Variants in TAF1 observed in about 807,000 individuals in gnomAD.
The protein encoded by TAF1 is transcription initiation factor TFIID subunit 1.
Under a neutral mutation model 138.5 loss-of-function variants are expected in TAF1, and 2 were observed. That is an observed-to-expected ratio of 0.01 (90% CI 0.01 to 0.05). TAF1 has a LOEUF of 0.05. Among genes scored for constraint, TAF1 ranks in the 10% least tolerant of loss-of-function variants. The pLI is 1.00. For missense variants in TAF1, 709 were observed against 1,478.0 expected (o/e 0.48, Z 8.53); for synonymous variants, 437 against 503.2 (o/e 0.87, Z 1.76).
intron 13 of TAF1, among the ~76,000 whole-genome samples, chrX:71,476,318 T>C (rs1013545668): frequency 1.8e-5 from 2 of 110,871 alleles, no homozygotes; most frequent in Non-Finnish European, 3.8e-5. Flanking sequence ...GTGAGGGAAC[T>C]GGAACTTGCC....
chrX:71,430,118 C>A (rs1349259373), intron 32 of TAF1, among the ~76,000 whole-genome samples: 2 of 111,539 alleles, frequency 1.8e-5, no homozygotes, highest in Non-Finnish European at 3.8e-5. Flanking sequence ...CGGTGGCTCA[C>A]GCCTGTAATC....
intron 1 of TAF1, among the ~76,000 whole-genome samples, chrX:71,367,135 C>T (rs1398686262): frequency 8.9e-6 from 1 of 112,384 alleles, no homozygotes; most frequent in Non-Finnish European, 1.9e-5. Context: ...GCATGCGAAA[C>T]AGGGACCGAA....
intron 32 of TAF1, among the ~76,000 whole-genome samples, chrX:71,442,242 C>T (rs1169440744): frequency 1.8e-5 from 2 of 112,488 alleles, no homozygotes; most frequent in African/African-American, 6.5e-5. Flanking sequence ...AATCACCACA[C>T]TGTCTTCCAC....
In TAF1 at chrX:71,464,799, G is replaced by A. The variant is rs1222700667; in HGVS notation, c.*753G>A. ...GCCCTCCTGCTGGGACAGAGAATTG[G>A]GTTCTAGTGGACTCTGTGCTACACT... On this transcript the variant is annotated 3_prime_UTR_variant, in exon 38 of 38. Transcript: ENST00000423759. The A allele has an allele frequency of 8.9e-6, 1 of 112,228 alleles. No individual in the cohort carries two copies. Among genetic ancestry groups the A allele is most frequent in the African/African-American group, 3.3e-5 (1 of 30,725 alleles). 9.2% of individuals were successfully genotyped at this position (112,228 alleles called of 1,213,427 possible).
At position 71,459,504 on chromosome X, in the gene TAF1, T is replaced by C. The variant is rs752172332; in HGVS notation, c.5065-48T>C. 5.0e-6 allele frequency: 6 copies of C among 1,199,892 alleles called. No homozygotes were observed. In the South Asian group the frequency reaches 1.1e-4, roughly 22 times the overall value. ...GTGCCTGGTGGTGGCTTCTGGTCTC[T>C]TATGTGGTCAGTTGATAGGACTTTG... On this transcript the variant is annotated intron_variant, in intron 35 of 37. Coordinates refer to ENST00000423759, the MANE Select transcript of TAF1 (RefSeq NM_004606.5).
chrX:71,477,002 A>G (rs1236972804), intron 13 of TAF1, among the ~76,000 whole-genome samples: 1 of 108,733 alleles, frequency 9.2e-6, no homozygotes, highest in Non-Finnish European at 1.9e-5. Context: ...GCAGTAGTGT[A>G]ATCTTGGCTC....
intron 28 of TAF1, among the ~76,000 whole-genome samples, chrX:71,420,685 G>C (rs1195729407): frequency 8.9e-6 from 1 of 112,819 alleles, no homozygotes; most frequent in Non-Finnish European, 1.9e-5. Context: ...GGTCACCCTC[G>C]ACCAGTCATG....
chrX:71,452,455 A>C (rs2038048549), intron 32 of TAF1, among the ~76,000 whole-genome samples: 1 of 106,010 alleles, frequency 9.4e-6, no homozygotes, highest in African/African-American at 3.5e-5. Flanking sequence ...TCCACATCTC[A>C]GACGATGGGC....
chrX:71,480,453 AC>A (rs1173529331), intron 13 of TAF1, among the ~76,000 whole-genome samples: 2 of 111,772 alleles, frequency 1.8e-5, no homozygotes, highest in Non-Finnish European at 3.8e-5. Flanking sequence ...TTGAATTCCC[AC>A]TATGTACCCG....
intron 32 of TAF1, among the ~76,000 whole-genome samples, chrX:71,427,312 A>G: frequency 8.9e-6 from 1 of 112,104 alleles, no homozygotes; most frequent in East Asian, 2.8e-4. Flanking sequence ...GAGAGTGGAA[A>G]TGTCCCTTGT....
chrX:71,392,001 G>T (rs1231913991), intron 18 of TAF1, among the ~76,000 whole-genome samples: 1 of 111,222 alleles, frequency 9.0e-6, no homozygotes, highest in Non-Finnish European at 1.9e-5. Flanking sequence ...TCTTGCAGGG[G>T]TTGGTAAACA....
At chrX:71,387,486 G>A in intron 15 of TAF1, 25 bp downstream of exon 15, 1 of 1,209,262 alleles carries the variant, frequency 8.3e-7, no homozygotes, top group African/African-American at 1.7e-5. Flanking sequence ...ATAGGGAGGG[G>A]ATTGGGTTGT....
In TAF1 at chrX:71,388,382, G is replaced by A. The variant is rs772266522; in HGVS notation, c.2569+4G>A. On this transcript the variant is annotated splice_donor_region_variant and intron_variant, in intron 16 of 37. Coordinates refer to ENST00000423759, the MANE Select transcript of TAF1 (RefSeq NM_004606.5). ...TGCGCTGACTTCAAACGCACAGGTC[G>A]TCTGTTGTGACTAGTTATTTGTCTG... 46 of 1,201,646 alleles carry A rather than the reference G, an allele frequency of 3.8e-5. No individual in the cohort carries two copies. The highest frequency in any genetic ancestry group is 4.9e-5 in the Non-Finnish European group (44 of 892,949).
At chrX:71,375,793 G>A (rs191039653) in intron 4 of TAF1, among the ~76,000 whole-genome samples, 233 of 112,196 alleles carry the variant, frequency 2.1e-3, no homozygotes, top group Non-Finnish European at 3.9e-3. Context: ...CAAGTGATCC[G>A]CTCGCCTTGG....
intron 13 of TAF1, among the ~76,000 whole-genome samples, chrX:71,476,128 A>G (rs2038976535): frequency 8.9e-6 from 1 of 111,994 alleles, no homozygotes; most frequent in Admixed American, 9.6e-5. Flanking sequence ...CTAGCCTCAC[A>G]TATTTCTTTA....
intron 9 of TAF1, 60 bp downstream of exon 9, chrX:71,381,979 C>T (rs1399000207): frequency 2.7e-5 from 29 of 1,081,975 alleles, no homozygotes; most frequent in South Asian, 5.2e-5. Context: ...TTAATGTCAA[C>T]GGGCAGGAGG....
chrX:71,503,726 T>G (rs1487345075), intron 13 of TAF1, among the ~76,000 whole-genome samples: 4 of 111,009 alleles, frequency 3.6e-5, no homozygotes, highest in Non-Finnish European at 7.6e-5. Flanking sequence ...TTTCACAATC[T>G]TTTACTTGTC....
intron 28 of TAF1, among the ~76,000 whole-genome samples, chrX:71,410,845 C>T (rs751385344): frequency 9.0e-6 from 1 of 111,075 alleles, no homozygotes; most frequent in East Asian, 2.8e-4. Context: ...TGCAGTGCTG[C>T]GATCTTGGTT....
At chrX:71,417,057 A>G (rs1245910643) in intron 28 of TAF1, among the ~76,000 whole-genome samples, 1 of 110,190 alleles carries the variant, frequency 9.1e-6, no homozygotes, top group Non-Finnish European at 1.9e-5. Flanking sequence ...TTGAAACTTA[A>G]TGCCCAAATG....
Sources: allele counts gnomAD v4.1 joint callset (sites outside exome capture counted in the v4.1 genomes callset), GRCh38; gene constraint gnomAD v4.1.1; transcripts MANE v1.5; gene names NCBI Gene and HGNC (gene_info 2026-07-23, HGNC 2026-07-21).